The following SVIL variants were observed in gnomAD, a reference collection of about 807,000 sequenced individuals.
SVIL encodes the protein supervillin.
A neutral mutation model predicts 240.4 loss-of-function variants in SVIL; 101 were observed. The observed-to-expected ratio is 0.42, with a 90% CI of 0.36 to 0.50. The LOEUF is 0.50. SVIL is among the 20% of genes least tolerant of loss of function. The pLI is 0.01. For synonymous variants in SVIL, 999 were observed against 1,100.0 expected, an observed-to-expected ratio of 0.91 and a Z score of 1.82; for missense variants, 2,512 against 2,818.7, an observed-to-expected ratio of 0.89 and a Z score of 2.46.
chr10:29,622,373 T>G (rs1474292075), intron 1 of SVIL, among the ~76,000 whole-genome samples: 1 of 151,734 alleles, frequency 6.6e-6, no homozygotes, highest in Non-Finnish European at 1.5e-5. Context: ...GCACCATCTC[T>G]TCTTATGATC....
In SVIL at chr10:29,490,840, T is replaced by A. The variant is rs757094380; in HGVS notation, c.4192+7A>T. 1.2e-6 allele frequency: 2 copies of A among 1,613,404 alleles called. No homozygotes were observed. The highest frequency in any genetic ancestry group is 2.2e-5 in the South Asian group (2 of 91,040). ...CACAGAAGCAGGGTGGGGGTTCAAA[T>A]ACTCACTCTTTTCTACTTTCATCCG... is the stretch of plus-strand genomic sequence containing the variant. On this transcript the variant is annotated splice_region_variant and intron_variant, in intron 22 of 37. Coordinates refer to ENST00000355867, the MANE Select transcript of SVIL (RefSeq NM_021738.3).
intron 1 of SVIL, among the ~76,000 whole-genome samples, chr10:29,694,529 G>A (rs879406267): frequency 1.3e-5 from 2 of 151,788 alleles, no homozygotes; most frequent in African/African-American, 2.4e-5. Context: ...GCATGATCTC[G>A]GCTCACTGCA....
At chr10:29,506,140 T>C (rs1353124962) in intron 17 of SVIL, among the ~76,000 whole-genome samples, 2 of 152,218 alleles carry the variant, frequency 1.3e-5, no homozygotes, top group African/African-American at 4.8e-5. Context: ...GTTGAATCCT[T>C]GGATGCGGAA....
rs574417770 is a variant in SVIL at position 29,514,394 on chromosome 10, G to A, written c.3390-1533C>T. Among the ~76,000 whole-genome samples the A allele has an allele frequency of 3.3e-5, 5 of 152,002 alleles. No individual in the cohort carries two copies. The East Asian group carries it at 5.8e-4, about 18-fold the overall frequency. ...TAGGATGACAGGTGTGCATCACTGC[G>A]CCTGGTTAATTTTTAAAATTTTTAT... On this transcript the variant is annotated intron_variant, in intron 16 of 37. Transcript: ENST00000355867.
intron 1 of SVIL, among the ~76,000 whole-genome samples, chr10:29,711,622 G>A (rs1032140124): frequency 6.6e-6 from 1 of 152,014 alleles, no homozygotes; most frequent in East Asian, 1.9e-4. Flanking sequence ...TTAGCCAAGT[G>A]TGGTGGTGCA....
chr10:29,520,161 C>A (rs950948381), intron 16 of SVIL, among the ~76,000 whole-genome samples: 1 of 152,206 alleles, frequency 6.6e-6, no homozygotes, highest in African/African-American at 2.4e-5. Flanking sequence ...GATGGGAAGG[C>A]TCCTTTAAAA....
chr10:29,694,401 TA>T (rs1961762574), intron 1 of SVIL, among the ~76,000 whole-genome samples: 1 of 151,968 alleles, frequency 6.6e-6, no homozygotes, highest in South Asian at 2.1e-4. Flanking sequence ...ACCTGTCTCT[TA>T]AAAAAATAAA....
Position 29,467,775 on chromosome 10 carries a change from T to G in SVIL, c.5944A>C (p.Arg1982=). The change falls in exon 33 of 38, where the codon AGA becomes CGA. Residue 1982 remains arginine, a synonymous_variant. Coordinates refer to ENST00000355867, the MANE Select transcript of SVIL (RefSeq NM_021738.3). ...ATGCAATCGTAGGCTTTCCTGTCTC[T>G]CCTTCCTAAGGCATCCCAGAATCCG... ...PLGFWDALGR[R]DRKAYDCMLQ... is the part of the protein sequence containing the mutation. 1 of 1,614,164 alleles carries G rather than the reference T, an allele frequency of 6.2e-7. No individual in the cohort carries two copies. The highest frequency in any genetic ancestry group is 8.5e-7 in the Non-Finnish European group (1 of 1,180,026).
chr10:29,499,045 C>T, intron 18 of SVIL, 71 bp downstream of exon 18: 2 of 1,556,992 alleles, frequency 1.3e-6, no homozygotes, highest in Non-Finnish European at 1.7e-6. Context: ...ACCACCATGC[C>T]CTCCATGGGT....
chr10:29,653,650 T>G (rs1329935745), intron 3 of SVIL, among the ~76,000 whole-genome samples: 1 of 152,192 alleles, frequency 6.6e-6, no homozygotes, highest in Non-Finnish European at 1.5e-5. Context: ...TAAATTTGTA[T>G]CTATGCTTTT....
chr10:29,699,680 G>A (rs1263197417), intron 1 of SVIL, among the ~76,000 whole-genome samples: 1 of 152,202 alleles, frequency 6.6e-6, no homozygotes, highest in Non-Finnish European at 1.5e-5. Flanking sequence ...TGCTTTTTCA[G>A]TAAGTTCTGC....
At chr10:29,640,593 A>G (rs754233653) in intron 3 of SVIL, among the ~76,000 whole-genome samples, 3 of 152,138 alleles carry the variant, frequency 2.0e-5, no homozygotes, top group Non-Finnish European at 4.4e-5. Context: ...TACACCCGTC[A>G]TCTCCCATCT....
At chr10:29,531,522 A>G (rs1951367891) in intron 9 of SVIL, among the ~76,000 whole-genome samples, 1 of 152,254 alleles carries the variant, frequency 6.6e-6, no homozygotes, top group East Asian at 1.9e-4. Context: ...GACCAGGCAC[A>G]AGAACAACTT....
chr10:29,664,691 TAC>T (rs4018670), intron 2 of SVIL, among the ~76,000 whole-genome samples: 26 of 150,340 alleles, frequency 1.7e-4, no homozygotes, highest in African/African-American at 3.2e-4. Context: ...TATATATATA[TAC>T]ACACACACAC....
At position 29,529,265 on chromosome 10, in the gene SVIL, C is replaced by T. The variant is rs577392267; in HGVS notation, c.2246+440G>A. Among the ~76,000 whole-genome samples the T allele has an allele frequency of 4.0e-5, 6 of 149,040 alleles. No individual in the cohort carries two copies. The East Asian group carries it at 1.0e-3, about 25-fold the overall frequency. The stretch of plus-strand genomic sequence containing the variant: ...AAACAAACCTTATCTTTTAGAGGGG[C>T]GTACTGGGATATTTATGGATGAAAT... On this transcript the variant is annotated intron_variant, in intron 12 of 37. Transcript: ENST00000355867.
intron 2 of SVIL, among the ~76,000 whole-genome samples, chr10:29,670,308 T>C (rs1034630820): frequency 3.3e-5 from 5 of 152,164 alleles, no homozygotes; most frequent in African/African-American, 1.2e-4. Context: ...AAGCGATATA[T>C]TCCATTAGAG....
intron 16 of SVIL, among the ~76,000 whole-genome samples, chr10:29,518,832 G>C (rs1950383205): frequency 6.6e-6 from 1 of 152,180 alleles, no homozygotes; most frequent in Non-Finnish European, 1.5e-5. Context: ...CTCCAGCCTG[G>C]GTGACAGAGC....
chr10:29,555,288 G>C (rs573103187), intron 3 of SVIL, among the ~76,000 whole-genome samples, 180 bp from the exon 4 acceptor site: 1 of 150,674 alleles, frequency 6.6e-6, no homozygotes. Context: ...AGGGGAGGCA[G>C]ATGCCAAATG....
chr10:29,558,952 AT>A (rs1440400616), intron 3 of SVIL, among the ~76,000 whole-genome samples: 1 of 148,320 alleles, frequency 6.7e-6, no homozygotes, highest in Non-Finnish European at 1.5e-5. Flanking sequence ...TATATAAAAA[AT>A]ATGGTTTATA....
Sources: allele counts gnomAD v4.1 joint callset (sites outside exome capture counted in the v4.1 genomes callset), GRCh38; gene constraint gnomAD v4.1.1; transcripts MANE v1.5; gene names NCBI Gene and HGNC (gene_info 2026-07-23, HGNC 2026-07-21).